The following HUWE1 variants were observed in gnomAD, a reference collection of about 807,000 sequenced individuals.
HUWE1 encodes E3 ubiquitin-protein ligase HUWE1.
HUWE1 carries 18 observed loss-of-function variants against 299.4 expected under a neutral mutation model. The observed-to-expected ratio is 0.06, with a 90% CI of 0.04 to 0.09. The LOEUF (loss-of-function observed/expected upper bound fraction) is 0.09, where lower values mean the gene tolerates loss of function less well. Ranked by LOEUF, HUWE1 falls within the 10% of genes least tolerant of loss-of-function variation. The pLI is 1.00. For synonymous variants in HUWE1, 1,317 were observed against 1,286.1 expected (o/e 1.02, Z -0.51); for missense variants, 1,832 against 3,462.3 (o/e 0.53, Z 11.82).
In HUWE1 at chrX:53,653,162, C is replaced by A. The variant is rs914267910; in HGVS notation, c.45+901G>T. On this transcript the variant is annotated intron_variant, in intron 4 of 83. Coordinates refer to ENST00000262854, the MANE Select transcript of HUWE1 (RefSeq NM_031407.7). ...CCCTGTCTCAAAACAAACAAACAAA[C>A]AAAAAAAACTGGAAGAAATGCAGCA... is the stretch of plus-strand genomic sequence containing the variant. 4.5e-5 allele frequency among the ~76,000 whole-genome samples: 5 copies of A among 111,310 alleles called. No homozygotes were observed. In the South Asian group the frequency reaches 1.1e-3, roughly 25 times the overall value.
intron 13 of HUWE1, 128 bp from the exon 14 acceptor site, chrX:53,629,030 G>T: frequency 1.8e-6 from 1 of 553,266 alleles, no homozygotes; most frequent in South Asian, 2.8e-5. Context: ...GGGGATGGAG[G>T]TCTGTTGAGA....
Position 53,589,528 on chromosome X carries a change from T to C in HUWE1, c.4461+19A>G, listed in dbSNP as rs374741690. 8.3e-7 allele frequency: 1 copy of C among 1,206,025 alleles called. No individual in the cohort carries two copies. Among genetic ancestry groups the C allele is most frequent in the African/African-American group, 1.8e-5 (1 of 57,094 alleles). ...AACCACTTCACATACTCCCCTCTTC[T>C]GACCCCTTGAGAGCTCACCTGATTG... is the stretch of plus-strand genomic sequence containing the variant. On this transcript the variant is annotated intron_variant, in intron 36 of 83. Transcript: ENST00000262854.
chrX:53,608,462 T>C (rs181672669), intron 24 of HUWE1, among the ~76,000 whole-genome samples: 85 of 112,390 alleles, frequency 7.6e-4, no homozygotes, highest in Non-Finnish European at 1.4e-3. Flanking sequence ...ATTTGCATTA[T>C]ACAGTACAGG....
intron 34 of HUWE1, 119 bp from the exon 35 acceptor site, chrX:53,590,618 G>A: frequency 1.8e-6 from 1 of 558,468 alleles, no homozygotes; most frequent in South Asian, 2.4e-5. Flanking sequence ...GAGAGGAAGG[G>A]CCTCAAAATG....
At position 53,561,865 on chromosome X, in the gene HUWE1, T is replaced by C. The variant is rs1269639258; in HGVS notation, c.7398A>G (p.Glu2466=). Residue 2466 remains glutamate, a synonymous_variant, in exon 55 of 84, where the codon GAA becomes GAG. Transcript: ENST00000262854. Reference sequence around the variant, plus strand: ...TCATATCAGGATAATCCTCATCCAATTCCATCTCAGAGCCATCGTCGTCAT... The same window carrying C: ...TCATATCAGGATAATCCTCATCCAACTCCATCTCAGAGCCATCGTCGTCAT... The part of the protein sequence containing the change: ...EDDDDDGSEM[E]LDEDYPDMNA... The C allele has an allele frequency of 1.7e-6, 2 of 1,209,508 alleles. No homozygotes were observed. The highest frequency in any genetic ancestry group is 3.5e-5 in the African/African-American group (2 of 56,999).
At chrX:53,672,236 T>C (rs2069583881) in intron 3 of HUWE1, among the ~76,000 whole-genome samples, 1 of 108,808 alleles carries the variant, frequency 9.2e-6, no homozygotes, top group African/African-American at 3.3e-5. Flanking sequence ...GGCGTGATAA[T>C]GGTATTGTGG....
chrX:53,626,742 C>G (rs782128281), intron 17 of HUWE1, among the ~76,000 whole-genome samples: 11 of 111,796 alleles, frequency 9.8e-5, no homozygotes, highest in Non-Finnish European at 2.1e-4. Flanking sequence ...TTTGAAATCA[C>G]TGCAGCCTCA....
intron 33 of HUWE1, 35 bp from the exon 34 acceptor site, chrX:53,591,157 ACGG>A: frequency 8.3e-7 from 1 of 1,199,070 alleles, no homozygotes; most frequent in East Asian, 3.0e-5. Context: ...GAATCACATA[ACGG>A]AAATCCAAAT....
At chrX:53,570,876 A>G (rs782187438) in intron 47 of HUWE1, among the ~76,000 whole-genome samples, 1 of 113,045 alleles carries the variant, frequency 8.8e-6, no homozygotes, top group African/African-American at 3.2e-5. Context: ...AAGAAAATGC[A>G]TTGAATAATT....
Position 53,624,627 on chromosome X carries a change from G to C in HUWE1, c.1640C>G (p.Ala547Gly). 8.3e-7 allele frequency: 1 copy of C among 1,205,735 alleles called. No homozygotes were observed. Among genetic ancestry groups the C allele is most frequent in the Non-Finnish European group, 1.1e-6 (1 of 889,849 alleles). ...PTSLKHIISNAEYYGPSLFLL... is the reference protein window; with the variant it reads ...PTSLKHIISNGEYYGPSLFLL... ...GAAGAGTGATGGGCCATAGTATTCT[G>C]CATTGCTGATGATGTGTTTCAGGGA... Residue 547 changes from alanine to glycine, a missense_variant, in exon 19 of 84, where the codon GCA becomes GGA. Around this residue, in one of 15 missense-constraint regions of HUWE1, gnomAD observed 658 missense variants for 1,282.6 expected, o/e 0.51. Transcript: ENST00000262854.
chrX:53,599,031 T>C (rs1489235348), intron 29 of HUWE1, among the ~76,000 whole-genome samples: 3 of 112,448 alleles, frequency 2.7e-5, no homozygotes, highest in East Asian at 2.8e-4. Context: ...AATCCAATCA[T>C]TGGGTTTACA....
rs373280643 is a variant in HUWE1 at position 53,595,420 on chromosome X, A to C, written c.3164-17T>G. The C allele has an allele frequency of 1.2e-5, 14 of 1,128,411 alleles. No homozygotes were observed. The highest frequency in any genetic ancestry group is 1.6e-5 in the Non-Finnish European group (13 of 824,586). The allele number at this position is 1,128,411 out of a possible 1,213,427, so 93.0% of individuals were successfully genotyped here. ...TGGAGGAAGCTGAAACCCAGAAATC[A>C]GAATAAGACTGTACAGTATTCTCAG... On this transcript the variant is annotated splice_polypyrimidine_tract_variant and intron_variant, in intron 29 of 83. Coordinates refer to ENST00000262854, the MANE Select transcript of HUWE1 (RefSeq NM_031407.7).
At position 53,614,634 on chromosome X, in the gene HUWE1, C is replaced by T; in HGVS notation, c.2161G>A (p.Ala721Thr). ...TCCTCACTAGAGGCTTCTTCTGCGGCATGATTAGACCTTGGGGGAGGAGCA... is the reference window on the plus strand; with the variant it reads ...TCCTCACTAGAGGCTTCTTCTGCGGTATGATTAGACCTTGGGGGAGGAGCA... ...ATAPPPRSNH[A>T]AEEASSEDEE... The change falls in exon 23 of 84, where the codon GCC (alanine) becomes ACC (threonine). Residue 721 changes from alanine to threonine, a missense_variant. By Grantham distance (58) the Ala-to-Thr change is moderately conservative. Coordinates refer to ENST00000262854, the MANE Select transcript of HUWE1 (RefSeq NM_031407.7). The T allele has an allele frequency of 8.3e-7, 1 of 1,207,874 alleles. No homozygotes were observed.
chrX:53,554,472 C>T (rs999934542), intron 61 of HUWE1, among the ~76,000 whole-genome samples, 161 bp downstream of exon 61: 10 of 111,468 alleles, frequency 9.0e-5, no homozygotes, highest in African/African-American at 3.3e-4. Context: ...CAGTTCAGGA[C>T]CTCAACTTCA....
intron 3 of HUWE1, among the ~76,000 whole-genome samples, chrX:53,659,690 G>T (rs782681441): frequency 2.0e-4 from 22 of 111,682 alleles, no homozygotes. Flanking sequence ...TATGGCCTTT[G>T]AGTGATAATG....
At chrX:53,614,987 T>C (rs1021433752) in intron 22 of HUWE1, among the ~76,000 whole-genome samples, 3 of 106,994 alleles carry the variant, frequency 2.8e-5, no homozygotes, top group Non-Finnish European at 5.7e-5. Flanking sequence ...CTGACGAACC[T>C]GACTCCCTGT....
chrX:53,575,450 G>C (rs1556957705), intron 45 of HUWE1, among the ~76,000 whole-genome samples, 193 bp downstream of exon 45: 1 of 111,093 alleles, frequency 9.0e-6, no homozygotes, highest in African/African-American at 3.3e-5. Flanking sequence ...AAAAATTAAA[G>C]AACAGTTCTA....
chrX:53,543,856 C>T lies in HUWE1; in HGVS notation c.11364G>A (p.Gln3788=), dbSNP rs2147118588. The part of the protein sequence containing the change: ...MVREGQRARR[Q]QQAATSESSQ... Reference sequence around the variant, plus strand: ...TCATGCTAACCGTTGCTGCTTGTTGCTGTCTCCGCGCCCTTTGACCCTCAC... The same window carrying T: ...TCATGCTAACCGTTGCTGCTTGTTGTTGTCTCCGCGCCCTTTGACCCTCAC... Residue 3788 remains glutamine, a synonymous_variant, in exon 73 of 84, where the codon CAG becomes CAA. Coordinates refer to ENST00000262854, the MANE Select transcript of HUWE1 (RefSeq NM_031407.7). 8.3e-7 allele frequency: 1 copy of T among 1,211,184 alleles called. No individual in the cohort carries two copies. Among genetic ancestry groups the T allele is most frequent in the Middle Eastern group, 2.3e-4 (1 of 4,325 alleles).
At chrX:53,563,648 C>T in intron 52 of HUWE1, 98 bp downstream of exon 52, 1 of 961,682 alleles carries the variant, frequency 1.0e-6, no homozygotes, top group Non-Finnish European at 1.5e-6. Flanking sequence ...GGCTATGAGC[C>T]CTTAGGCAGA....
Sources: allele counts gnomAD v4.1 joint callset (sites outside exome capture counted in the v4.1 genomes callset), GRCh38; gene constraint gnomAD v4.1.1; regional missense constraint gnomAD v4.1.1; transcripts MANE v1.5; gene names NCBI Gene and HGNC (gene_info 2026-07-23, HGNC 2026-07-21).